CFAP20DC: variants seen among roughly 807,000 people sequenced by gnomAD.
CFAP20DC encodes the protein protein CFAP20DC.
A neutral mutation model predicts 101.7 loss-of-function variants in CFAP20DC; 84 were observed. The observed-to-expected ratio is 0.83, with a 90% CI of 0.69 to 0.99. The LOEUF is 0.99. Among genes scored for constraint, CFAP20DC ranks in the 50% least tolerant of loss-of-function variants. CFAP20DC has a pLI of 0.00. For missense variants in CFAP20DC, 1,007 were observed against 970.3 expected, an observed-to-expected ratio of 1.04 and a Z score of -0.50; for synonymous variants, 359 against 351.2, an observed-to-expected ratio of 1.02 and a Z score of -0.25.
intron 4 of CFAP20DC, among the ~76,000 whole-genome samples, chr3:58,965,373 A>G (rs2091450159): frequency 1.3e-5 from 2 of 152,224 alleles, no homozygotes. Flanking sequence ...GAAAAACATG[A>G]GCATTTGGGG....
intron 6 of CFAP20DC, among the ~76,000 whole-genome samples, chr3:58,900,558 G>C (rs576761481): frequency 2.6e-5 from 4 of 152,202 alleles, no homozygotes; most frequent in East Asian, 1.9e-4. Context: ...CATACAGACT[G>C]CCTGATTAAC....
chr3:58,827,865 T>C (rs950532062), intron 14 of CFAP20DC, among the ~76,000 whole-genome samples: 23 of 152,118 alleles, frequency 1.5e-4, no homozygotes, highest in African/African-American at 4.8e-4. Flanking sequence ...CAAAAACATA[T>C]GTGTGGAATG....
At chr3:58,970,194 G>A (rs1357287451) in intron 4 of CFAP20DC, among the ~76,000 whole-genome samples, 1 of 152,006 alleles carries the variant, frequency 6.6e-6, no homozygotes, top group African/African-American at 2.4e-5. Flanking sequence ...AGTCATTGTG[G>A]GTTGAACTGT....
chr3:59,032,362 C>T lies in CFAP20DC; in HGVS notation c.278+7195G>A, dbSNP rs184632877. On this transcript the variant is annotated intron_variant, in intron 4 of 16. Transcript: ENST00000482387. The stretch of plus-strand genomic sequence containing the variant: ...CAGCGAGACAGAACCATTCACTCCC[C>T]GGGAAAGGGGGCTGAAGCCAGGAAG... 1.1e-4 allele frequency among the ~76,000 whole-genome samples: 16 copies of T among 152,092 alleles called. No homozygotes were observed. In the East Asian group the frequency reaches 1.5e-3, roughly 15 times the overall value.
intron 13 of CFAP20DC, among the ~76,000 whole-genome samples, chr3:58,840,957 T>C (rs2077060000): frequency 6.6e-6 from 1 of 152,218 alleles, no homozygotes; most frequent in African/African-American, 2.4e-5. Flanking sequence ...CAGCTGGTGC[T>C]CTGAGCCATG....
At chr3:58,960,398 AG>A (rs2091032231) in intron 4 of CFAP20DC, among the ~76,000 whole-genome samples, 1 of 151,908 alleles carries the variant, frequency 6.6e-6, no homozygotes, top group Non-Finnish European at 1.5e-5. Flanking sequence ...AGGCTGAGGC[AG>A]AAGAATCGCT....
At chr3:58,938,829 T>C (rs1428154791) in intron 4 of CFAP20DC, among the ~76,000 whole-genome samples, 3 of 152,172 alleles carry the variant, frequency 2.0e-5, no homozygotes, top group African/African-American at 7.2e-5. Context: ...TTAGGTAAGA[T>C]GATTTCAGAG....
At chr3:58,890,966 T>C (rs1210717295) in intron 6 of CFAP20DC, among the ~76,000 whole-genome samples, 18 of 125,576 alleles carry the variant, frequency 1.4e-4, no homozygotes, top group African/African-American at 2.5e-4. Context: ...GAGGGGCTCC[T>C]CACATCCCAG....
chr3:58,936,630 T>C (rs2087675614), intron 5 of CFAP20DC, among the ~76,000 whole-genome samples: 1 of 152,160 alleles, frequency 6.6e-6, no homozygotes, highest in Non-Finnish European at 1.5e-5. Context: ...TGTAGGGACA[T>C]GGATGAAGCT....
chr3:58,928,193 T>C (rs539221168), intron 5 of CFAP20DC, among the ~76,000 whole-genome samples: 1 of 152,190 alleles, frequency 6.6e-6, no homozygotes. Flanking sequence ...AAATAAGATA[T>C]GCTTGTAGTC....
Position 58,891,400 on chromosome 3 carries a change from C to T in CFAP20DC, c.551-6691G>A, listed in dbSNP as rs945868840. Among the ~76,000 whole-genome samples the T allele has an allele frequency of 4.5e-3, 642 of 143,170 alleles. 8 individuals are homozygous for T. The highest frequency in any genetic ancestry group is 0.016 in the African/African-American group (586 of 37,776). The allele number at this position is 143,170 out of a possible 152,430, so 93.9% of individuals were successfully genotyped here. On this transcript the variant is annotated intron_variant, in intron 6 of 16. Coordinates refer to ENST00000482387, the MANE Select transcript of CFAP20DC (RefSeq NM_001394063.1). ...CTTCGGCTCCGCATGAGAGGGAGAC[C>T]GTGGAAAGAGAGGGAGACCGTGGGG... is the stretch of plus-strand genomic sequence containing the variant.
chr3:58,938,630 C>T (rs1392787203), intron 4 of CFAP20DC, among the ~76,000 whole-genome samples: 13 of 152,222 alleles, frequency 8.5e-5, no homozygotes, highest in Middle Eastern at 3.4e-3. Flanking sequence ...CTCATTCAAA[C>T]GCATCATTGT....
chr3:58,725,676 TG>T (rs1467896589), intron 3 of CFAP20DC, among the ~76,000 whole-genome samples: 23 of 152,216 alleles, frequency 1.5e-4, no homozygotes, highest in Non-Finnish European at 2.8e-4. Context: ...GCTGAGTCAT[TG>T]TGTGTGGAGG....
chr3:58,734,939 T>C (rs73837940), intron 3 of CFAP20DC, among the ~76,000 whole-genome samples: 3,862 of 152,154 alleles, frequency 0.025, 166 homozygotes, highest in African/African-American at 0.087. Flanking sequence ...TAATGGGAAA[T>C]TGAAAGCCAC....
rs1430624937 is a variant in CFAP20DC at position 58,721,851 on chromosome 3, G to A, written c.198-4223C>T. ...GAGACCACCAGGCTCTGGTCATGTT[G>A]GGGTTGATTTTATTTTCCTAAGATT... On this transcript the variant is annotated intron_variant, in intron 3 of 3. Coordinates refer to the CFAP20DC transcript ENST00000486145. The surrounding 1 kb of genome is among the most constrained non-coding windows in gnomAD (Gnocchi z 5.2). Among the ~76,000 whole-genome samples the A allele has an allele frequency of 6.6e-6, 1 of 152,178 alleles. No homozygotes were observed. Among genetic ancestry groups the A allele is most frequent in the Admixed American group, 6.5e-5 (1 of 15,280 alleles).
intron 15 of CFAP20DC, among the ~76,000 whole-genome samples, chr3:58,774,703 C>T (rs1024191392): frequency 6.6e-6 from 1 of 152,200 alleles, no homozygotes; most frequent in Non-Finnish European, 1.5e-5. Flanking sequence ...CATCTATATA[C>T]TGTATGATGA....
chr3:58,860,831 A>G (rs2079188120), intron 12 of CFAP20DC, among the ~76,000 whole-genome samples: 1 of 152,186 alleles, frequency 6.6e-6, no homozygotes, highest in Non-Finnish European at 1.5e-5. Context: ...GCTTTCCTAA[A>G]AAATTCATTT....
chr3:58,800,825 T>C (rs192439930), intron 15 of CFAP20DC, among the ~76,000 whole-genome samples: 88 of 152,212 alleles, frequency 5.8e-4, no homozygotes, highest in African/African-American at 1.8e-3. Context: ...TGTCCTCCTA[T>C]TTCCAGGAAA....
chr3:59,040,492 T>G (rs904696639), intron 3 of CFAP20DC, among the ~76,000 whole-genome samples: 1 of 152,060 alleles, frequency 6.6e-6, no homozygotes, highest in Non-Finnish European at 1.5e-5. Flanking sequence ...CAAACATATT[T>G]TCCTGCTGTG....
Sources: allele counts gnomAD v4.1 joint callset (sites outside exome capture counted in the v4.1 genomes callset), GRCh38; gene constraint gnomAD v4.1.1; non-coding constraint Gnocchi (gnomAD v3.1); transcripts MANE v1.5; gene names NCBI Gene and HGNC (gene_info 2026-07-23, HGNC 2026-07-21).